JARID2: variants seen among roughly 807,000 people sequenced by gnomAD.
JARID2 encodes the protein protein Jumonji.
JARID2 carries 21 observed loss-of-function variants against 125.6 expected under a neutral mutation model. That is an observed-to-expected ratio of 0.17 (90% confidence interval 0.12 to 0.24). JARID2 has a LOEUF of 0.24. JARID2 is among the 10% of genes least tolerant of loss of function. JARID2 has a pLI of 1.00. For missense variants in JARID2, 1,303 were observed against 1,639.6 expected, an observed-to-expected ratio of 0.79 and a Z score of 3.55; for synonymous variants, 736 against 661.6, an observed-to-expected ratio of 1.11 and a Z score of -1.73.
At chr6:15,469,363 T>TC (rs1768943935) in intron 5 of JARID2, among the ~76,000 whole-genome samples, 1 of 23,434 alleles carries the variant, frequency 4.3e-5, no homozygotes, top group African/African-American at 1.7e-4. Context: ...CTCTCTCTCC[T>TC]CCCCTTCTCC....
chr6:15,512,827 C>T, intron 14 of JARID2, 88 bp from the exon 15 acceptor site: 1 of 1,286,896 alleles, frequency 7.8e-7, no homozygotes, highest in Non-Finnish European at 1.1e-6. Flanking sequence ...GAAATTCAGA[C>T]AGCCTGCCTG....
At chr6:15,449,682 TAAAAA>T (rs796818859) in intron 3 of JARID2, among the ~76,000 whole-genome samples, 3 of 144,594 alleles carry the variant, frequency 2.1e-5, no homozygotes, top group Admixed American at 2.1e-4. Flanking sequence ...AGGTTAAAAA[TAAAAA>T]AAAAAAGTGC....
intron 5 of JARID2, among the ~76,000 whole-genome samples, chr6:15,477,504 G>GTTTTTTTTTTTTTTTTTTTTTTT (rs56055395): frequency 7.3e-6 from 1 of 137,438 alleles, no homozygotes. Flanking sequence ...GGGAGTGTTG[G>GTTTTTTTTTTTTTTTTTTTTTTT]TTTTTTTTTT....
chr6:15,403,049 T>C (rs1765500677), intron 2 of JARID2, among the ~76,000 whole-genome samples: 1 of 152,068 alleles, frequency 6.6e-6, no homozygotes, highest in South Asian at 2.1e-4. Flanking sequence ...GTTATAAAGG[T>C]CATATTAAGG....
At chr6:15,309,343 C>G (rs1761939396) in intron 1 of JARID2, among the ~76,000 whole-genome samples, 1 of 151,828 alleles carries the variant, frequency 6.6e-6, no homozygotes, top group South Asian at 2.1e-4. Flanking sequence ...TTTTAAGCAT[C>G]TAGTATACAT....
At position 15,520,207 on chromosome 6, in the gene JARID2, C is replaced by T; in HGVS notation, c.3697C>T (p.Leu1233=). ...GACAGTGGACGTGCCCCCCTCCCGT[C>T]TGTCAGCCTCCAGTTCATCCAAAAG... ...RATVDVPPSR[L]SASSSSKSAS... is the part of the protein sequence containing the mutation. Residue 1233 remains leucine (L), a synonymous_variant, in exon 18 of 18, where the codon CTG becomes TTG. Transcript: ENST00000341776. 6.2e-7 allele frequency: 1 copy of T among 1,613,628 alleles called. No individual in the cohort carries two copies. The highest frequency in any genetic ancestry group is 8.5e-7 in the Non-Finnish European group (1 of 1,179,772).
intron 1 of JARID2, among the ~76,000 whole-genome samples, chr6:15,333,516 C>G (rs560650822): frequency 6.6e-6 from 1 of 152,246 alleles, no homozygotes; most frequent in South Asian, 2.1e-4. Flanking sequence ...TTCCGTGAAT[C>G]AGTACTTCAT....
At chr6:15,427,358 C>G (rs1016049131) in intron 3 of JARID2, among the ~76,000 whole-genome samples, 8 of 152,314 alleles carry the variant, frequency 5.3e-5, no homozygotes, top group African/African-American at 1.4e-4. Flanking sequence ...GGCAAACATA[C>G]TAGCTTCTTC....
At chr6:15,260,041 A>G (rs186275295) in intron 1 of JARID2, among the ~76,000 whole-genome samples, 56 of 152,328 alleles carry the variant, frequency 3.7e-4, no homozygotes, top group African/African-American at 1.2e-3. Flanking sequence ...AGTTTTGCTT[A>G]ATAGTATTGG....
intron 1 of JARID2, among the ~76,000 whole-genome samples, chr6:15,296,610 C>T (rs550783617): frequency 1.3e-5 from 2 of 152,140 alleles, no homozygotes; most frequent in Admixed American, 6.5e-5. Flanking sequence ...ATATAATATC[C>T]CCTTATCACC....
chr6:15,460,805 A>G (rs531334074), intron 4 of JARID2, among the ~76,000 whole-genome samples: 30 of 152,266 alleles, frequency 2.0e-4, no homozygotes, highest in South Asian at 1.7e-3. Context: ...CCCATGTTCA[A>G]GGTATTCTCC....
intron 3 of JARID2, among the ~76,000 whole-genome samples, chr6:15,431,497 A>G (rs1303745106): frequency 6.6e-6 from 1 of 152,236 alleles, no homozygotes; most frequent in Non-Finnish European, 1.5e-5. Context: ...CCTTGAAGAC[A>G]GTGACGGCTT....
intron 1 of JARID2, among the ~76,000 whole-genome samples, chr6:15,338,446 A>G (rs894788155): frequency 1.5e-4 from 23 of 152,250 alleles, no homozygotes; most frequent in African/African-American, 5.5e-4. Context: ...TTCAGAAAGA[A>G]ACCATTTATT....
At chr6:15,419,261 G>T (rs1355742037) in intron 3 of JARID2, among the ~76,000 whole-genome samples, 1 of 152,154 alleles carries the variant, frequency 6.6e-6, no homozygotes, top group Non-Finnish European at 1.5e-5. Context: ...AATAAGAGAA[G>T]TACTAGTTTA....
At chr6:15,373,823 G>A (rs1457782954) in intron 1 of JARID2, among the ~76,000 whole-genome samples, 5 of 152,148 alleles carry the variant, frequency 3.3e-5, no homozygotes, top group Admixed American at 6.5e-5. Context: ...ACTTTGTCAG[G>A]AATATAAAAC....
At chr6:15,453,921 C>T (rs932034688) in intron 4 of JARID2, among the ~76,000 whole-genome samples, 3 of 152,148 alleles carry the variant, frequency 2.0e-5, no homozygotes, top group African/African-American at 7.2e-5. Flanking sequence ...GAGCCAAGAT[C>T]TGGGCACTAG....
intron 1 of JARID2, among the ~76,000 whole-genome samples, chr6:15,319,486 C>T (rs1435878149): frequency 6.6e-6 from 1 of 152,090 alleles, no homozygotes; most frequent in African/African-American, 2.4e-5. Context: ...CAACCTCTGC[C>T]TCCCGTGTTC....
chr6:15,335,333 CA>C (rs35630986), intron 1 of JARID2, among the ~76,000 whole-genome samples: 11,961 of 152,194 alleles, frequency 0.079, 542 homozygotes, highest in East Asian at 0.2. Flanking sequence ...CTCCAGGCCT[CA>C]AGCGATCTGC....
chr6:15,380,613 C>T (rs1254382857), intron 2 of JARID2, among the ~76,000 whole-genome samples: 1 of 152,178 alleles, frequency 6.6e-6, no homozygotes, highest in African/African-American at 2.4e-5. Context: ...TTGGCAACAG[C>T]TGCCAATTTG....
Sources: allele counts gnomAD v4.1 joint callset (sites outside exome capture counted in the v4.1 genomes callset), GRCh38; gene constraint gnomAD v4.1.1; transcripts MANE v1.5; gene names NCBI Gene and HGNC (gene_info 2026-07-23, HGNC 2026-07-21).